TMED3: variants seen among roughly 807,000 people sequenced by gnomAD.
The protein encoded by TMED3 is transmembrane emp24 domain-containing protein 3.
In TMED3, 9 loss-of-function variants were observed where a neutral mutation model predicts 15.0. The ratio of observed to expected loss-of-function variants is 0.60; its 90% CI spans 0.36 to 1.04. The LOEUF is 1.04. Ranked by LOEUF, TMED3 falls within the 50% of genes least tolerant of loss-of-function variation. TMED3 has a pLI of 0.01. For missense variants in TMED3, 267 were observed against 278.9 expected, an observed-to-expected ratio of 0.96 and a Z score of 0.30; for synonymous variants, 117 against 121.4, an observed-to-expected ratio of 0.96 and a Z score of 0.24.
rs1043997778 is a variant in TMED3, at chr15:79,348,015, G to A, written c.417+34010G>A. ...GATTGTCCAAAGTGTGGAGAATGAT[G>A]CCCAGTCATAGATTGCTTGTGGGAA... On this transcript the variant is annotated intron_variant, in intron 2 of 2. Coordinates refer to the TMED3 transcript ENST00000424155. 2.0e-5 allele frequency among the ~76,000 whole-genome samples: 3 copies of A among 152,314 alleles called. No individual in the cohort carries two copies. The East Asian group carries it at 5.8e-4, about 29-fold the overall frequency.
At chr15:79,361,624 G>A (rs1412525057) in intron 2 of TMED3, among the ~76,000 whole-genome samples, 3 of 151,878 alleles carry the variant, frequency 2.0e-5, no homozygotes, top group Non-Finnish European at 4.4e-5. Flanking sequence ...CAGGTGAGAG[G>A]TGCATCAAAA....
At chr15:79,347,126 C>T (rs1029890129) in intron 2 of TMED3, among the ~76,000 whole-genome samples, 18 of 152,012 alleles carry the variant, frequency 1.2e-4, no homozygotes, top group African/African-American at 4.1e-4. Flanking sequence ...TGCAAAAATC[C>T]TCAACAAAAT....
chr15:79,400,537 A>C (rs1259312915), intron 2 of TMED3, among the ~76,000 whole-genome samples: 1 of 152,190 alleles, frequency 6.6e-6, no homozygotes, highest in East Asian at 1.9e-4. Flanking sequence ...AATGATACCT[A>C]GGGTCTAGAG....
chr15:79,376,092 G>GTTGTTTTT (rs1893419335), intron 2 of TMED3, among the ~76,000 whole-genome samples: 1 of 112,064 alleles, frequency 8.9e-6, no homozygotes, highest in African/African-American at 3.6e-5. Context: ...CTAGAGAAAG[G>GTTGTTTTT]TTTTTTTTTT....
chr15:79,341,195 CAAA>C (rs58885572), intron 2 of TMED3, among the ~76,000 whole-genome samples: 23 of 58,340 alleles, frequency 3.9e-4, no homozygotes, highest in African/African-American at 1.6e-3. Flanking sequence ...GACCCTGTCT[CAAA>C]AAAAAAAAAA....
chr15:79,352,347 G>A (rs2058894083), intron 2 of TMED3, among the ~76,000 whole-genome samples: 1 of 152,068 alleles, frequency 6.6e-6, no homozygotes, highest in Admixed American at 6.6e-5. Context: ...TCTGGTCCCT[G>A]GTGAACATTC....
chr15:79,403,483 C>A (rs145692641), intron 2 of TMED3, among the ~76,000 whole-genome samples: 103 of 152,196 alleles, frequency 6.8e-4, no homozygotes, highest in African/African-American at 2.2e-3. Context: ...CTACTTTTTC[C>A]CTTTTACCAT....
At chr15:79,330,457 C>A (rs1002168665) in intron 2 of TMED3, among the ~76,000 whole-genome samples, 2 of 151,876 alleles carry the variant, frequency 1.3e-5, no homozygotes, top group African/African-American at 2.4e-5. Flanking sequence ...AAATAAAATA[C>A]CTAGGTATAA....
intron 2 of TMED3, among the ~76,000 whole-genome samples, chr15:79,319,185 A>G (rs1017653730): frequency 1.5e-4 from 23 of 152,364 alleles, no homozygotes; most frequent in African/African-American, 5.5e-4. Flanking sequence ...CACAGTGATC[A>G]TGCCACCTTT....
intron 2 of TMED3, among the ~76,000 whole-genome samples, chr15:79,368,292 CT>C (rs1893275355): frequency 6.6e-6 from 1 of 152,142 alleles, no homozygotes. Flanking sequence ...AGCTTTCATG[CT>C]TTTTTGATCA....
At chr15:79,323,189 A>G (rs139597966), downstream of TMED3, among the ~76,000 whole-genome samples, 1 of 152,192 alleles carries the variant, frequency 6.6e-6, no homozygotes, top group Admixed American at 6.5e-5. Flanking sequence ...TCAAGATGGT[A>G]CTGTCTCACT....
chr15:79,342,441 T>C (rs2058854985), intron 2 of TMED3, among the ~76,000 whole-genome samples: 1 of 152,154 alleles, frequency 6.6e-6, no homozygotes, highest in African/African-American at 2.4e-5. Context: ...TACTTTATGC[T>C]AAAATAACTT....
intron 2 of TMED3, among the ~76,000 whole-genome samples, chr15:79,405,952 A>T (rs1265831361): frequency 6.6e-6 from 1 of 152,246 alleles, no homozygotes; most frequent in Admixed American, 6.5e-5. Flanking sequence ...TGCCAGCTCA[A>T]TAGCCACAGT....
At chr15:79,383,308 T>A in intron 2 of TMED3, 1 of 410,594 alleles carries the variant, frequency 2.4e-6, no homozygotes, top group Non-Finnish European at 4.4e-6. Context: ...TATTTGATCC[T>A]TTGTGCCCTT....
intron 2 of TMED3, among the ~76,000 whole-genome samples, chr15:79,395,828 T>C (rs1283189492): frequency 2.6e-5 from 4 of 152,254 alleles, no homozygotes; most frequent in Non-Finnish European, 4.4e-5. Flanking sequence ...TTGAACATTT[T>C]AAACGTTCTT....
intron 2 of TMED3, among the ~76,000 whole-genome samples, chr15:79,331,472 A>G (rs1216966912): frequency 6.6e-6 from 1 of 151,964 alleles, no homozygotes; most frequent in East Asian, 1.9e-4. Context: ...AAACAAAGGA[A>G]AAACACTTCA....
At chr15:79,354,777 C>T (rs955962357) in intron 2 of TMED3, among the ~76,000 whole-genome samples, 2 of 152,190 alleles carry the variant, frequency 1.3e-5, no homozygotes, top group East Asian at 1.9e-4. Flanking sequence ...GCCGAAGCCA[C>T]ATAGGGTCAT....
At chr15:79,348,502 A>G (rs1355335995) in intron 2 of TMED3, among the ~76,000 whole-genome samples, 1 of 152,236 alleles carries the variant, frequency 6.6e-6, no homozygotes, top group Non-Finnish European at 1.5e-5. Context: ...TTAGCAAACA[A>G]TGGTATATTT....
chr15:79,335,205 A>G (rs1029603461), intron 2 of TMED3, among the ~76,000 whole-genome samples: 13 of 152,236 alleles, frequency 8.5e-5, no homozygotes, highest in Non-Finnish European at 1.9e-4. Flanking sequence ...CTAAATCCTC[A>G]GTTTAAAAAG....
Sources: gnomAD v4.1 joint callset for allele counts (sites outside exome capture counted in the v4.1 genomes callset) on GRCh38, gnomAD v4.1.1 for gene constraint, MANE v1.5 for transcripts, NCBI Gene and HGNC (gene_info 2026-07-23, HGNC 2026-07-21) for gene names.